Variants in NLGN1 observed in about 807,000 individuals in gnomAD.
NLGN1 encodes neuroligin-1.
Under a neutral mutation model 65.5 loss-of-function variants are expected in NLGN1, and 12 were observed. The observed-to-expected ratio is 0.18, with a 90% CI of 0.12 to 0.30. The LOEUF (loss-of-function observed/expected upper bound fraction) is 0.30, where lower values mean the gene tolerates loss of function less well. Among genes scored for constraint, NLGN1 ranks in the 10% least tolerant of loss-of-function variants. The probability of loss-of-function intolerance (pLI) is 1.00; values close to 1 mark genes in which losing one functional copy is unlikely to be tolerated. For missense variants in NLGN1, 750 were observed against 1,007.1 expected, an observed-to-expected ratio of 0.74 and a Z score of 3.46; for synonymous variants, 350 against 359.5, an observed-to-expected ratio of 0.97 and a Z score of 0.30.
intron 4 of NLGN1, among the ~76,000 whole-genome samples, chr3:173,821,568 G>A (rs188439155): frequency 2.1e-3 from 321 of 152,170 alleles, no homozygotes; most frequent in Non-Finnish European, 3.2e-3. Flanking sequence ...TCTGCTTTAA[G>A]TAACAAGAAA....
chr3:174,243,347 G>C (rs1166423661), intron 4 of NLGN1, among the ~76,000 whole-genome samples: 2 of 152,130 alleles, frequency 1.3e-5, no homozygotes, highest in African/African-American at 4.8e-5. Flanking sequence ...TCGTGGGTGG[G>C]CAGGCTGGAG....
chr3:174,182,958 C>T (rs1254797028), intron 4 of NLGN1, among the ~76,000 whole-genome samples: 2 of 152,204 alleles, frequency 1.3e-5, no homozygotes, highest in Non-Finnish European at 2.9e-5. Context: ...GACTTTGCCA[C>T]TCTTAGGCTT....
At chr3:173,456,101 C>T (rs74839374) in intron 2 of NLGN1, among the ~76,000 whole-genome samples, 4,228 of 152,192 alleles carry the variant, frequency 0.028, 207 homozygotes, top group African/African-American at 0.094. Flanking sequence ...GCTAATCTCT[C>T]CTGGAAACAC....
rs1163617328 is a variant in NLGN1 at position 173,918,688 on chromosome 3, GTGTGTGTGTGTGTGTA to G, written c.646+110858_646+110873del. 3.7e-5 allele frequency among the ~76,000 whole-genome samples: 5 copies of G among 136,086 alleles called. No homozygotes were observed. The South Asian group carries it at 6.9e-4, about 19-fold the overall frequency. 89.3% of individuals were successfully genotyped at this position (136,086 alleles called of 152,430 possible). On this transcript the variant is annotated intron_variant, in intron 4 of 6. Coordinates refer to ENST00000457714, the Ensembl canonical transcript of NLGN1. Reference sequence around the variant, plus strand: ...TGTGTGTGTGTGTGTGTGTGTGTGTGTGTGTGTGTGTGTGTATATATATATATTGCATAGAATGGTA... The same window carrying G: ...TGTGTGTGTGTGTGTGTGTGTGTGTGTATATATATATTGCATAGAATGGTA...
chr3:173,502,961 TTG>T (rs961098510), intron 2 of NLGN1, among the ~76,000 whole-genome samples: 2 of 152,064 alleles, frequency 1.3e-5, no homozygotes, highest in Non-Finnish European at 2.9e-5. Flanking sequence ...ATGAATCACA[TTG>T]TGTTTATGAA....
intron 4 of NLGN1, among the ~76,000 whole-genome samples, chr3:174,187,771 A>G (rs928940716): frequency 5.3e-5 from 8 of 151,998 alleles, no homozygotes; most frequent in African/African-American, 1.9e-4. Flanking sequence ...CTACTCTCAC[A>G]GGAGTCATTG....
chr3:173,424,480 C>G (rs114091048), intron 1 of NLGN1, among the ~76,000 whole-genome samples: 31 of 152,274 alleles, frequency 2.0e-4, no homozygotes, highest in African/African-American at 7.2e-4. Flanking sequence ...TAATTTCAAA[C>G]CATCTCTTTG....
chr3:173,769,961 C>T (rs995234137), intron 3 of NLGN1, among the ~76,000 whole-genome samples: 6 of 152,118 alleles, frequency 3.9e-5, no homozygotes, highest in African/African-American at 1.4e-4. Flanking sequence ...TTTCTGCATA[C>T]AGAATCCATA....
chr3:173,399,963 T>C (rs973792956), intron 1 of NLGN1: 17 of 152,336 alleles, frequency 1.1e-4, no homozygotes, highest in African/African-American at 4.1e-4. Flanking sequence ...AGTAATGGTT[T>C]ATCTTGATAA....
chr3:173,486,685 T>C (rs191524353), intron 2 of NLGN1, among the ~76,000 whole-genome samples: 8 of 152,250 alleles, frequency 5.3e-5, no homozygotes, highest in Non-Finnish European at 1.5e-5. Context: ...AAGAACATAA[T>C]TCGATTTGTT....
chr3:174,246,694 C>T (rs1329488288), intron 4 of NLGN1, among the ~76,000 whole-genome samples: 5 of 152,152 alleles, frequency 3.3e-5, no homozygotes, highest in Admixed American at 1.3e-4. Context: ...GTTGTGATTA[C>T]AGGTGTGAGC....
At chr3:173,628,446 TAAAGA>T (rs909930063) in intron 3 of NLGN1, among the ~76,000 whole-genome samples, 29 of 152,156 alleles carry the variant, frequency 1.9e-4, no homozygotes, top group African/African-American at 6.7e-4. Context: ...TCAATAAAAA[TAAAGA>T]AGTCAATGTA....
At chr3:173,526,607 C>T (rs1242950880) in intron 2 of NLGN1, among the ~76,000 whole-genome samples, 1 of 152,010 alleles carries the variant, frequency 6.6e-6, no homozygotes, top group Non-Finnish European at 1.5e-5. Context: ...TACAAACAAT[C>T]CAATTATACT....
chr3:174,186,654 T>C lies in NLGN1; in HGVS notation c.647-88661T>C, dbSNP rs918651035. Reference sequence around the variant, plus strand: ...ATGCCAAGTTTGGCCACCATCTATATCTTTTTCCCTTTCCCTGGGTAGCTC... The same window carrying C: ...ATGCCAAGTTTGGCCACCATCTATACCTTTTTCCCTTTCCCTGGGTAGCTC... On this transcript the variant is annotated intron_variant, in intron 4 of 6. Transcript: ENST00000457714. 2.6e-5 allele frequency among the ~76,000 whole-genome samples: 4 copies of C among 152,026 alleles called. No individual in the cohort carries two copies. The Admixed American group carries it at 2.6e-4, about 10-fold the overall frequency.
intron 3 of NLGN1, among the ~76,000 whole-genome samples, chr3:173,677,831 A>G (rs16829336): frequency 0.051 from 7,807 of 152,178 alleles, 271 homozygotes; most frequent in African/African-American, 0.088. Context: ...AGGTACAGCA[A>G]TCAAATCTTG....
chr3:174,120,903 A>G (rs6798572), intron 4 of NLGN1, among the ~76,000 whole-genome samples: 20,186 of 152,184 alleles, frequency 0.13, 1,541 homozygotes, highest in African/African-American at 0.2. Flanking sequence ...TCTACTGGCT[A>G]TATTCCTGAC....
chr3:173,913,299 G>A (rs929350732), intron 4 of NLGN1, among the ~76,000 whole-genome samples: 5 of 152,128 alleles, frequency 3.3e-5, no homozygotes, highest in East Asian at 1.9e-4. Context: ...GGTGTGGTTC[G>A]CCTTTGGAAT....
At chr3:174,068,897 G>C (rs1308706725) in intron 4 of NLGN1, among the ~76,000 whole-genome samples, 1 of 152,174 alleles carries the variant, frequency 6.6e-6, no homozygotes. Flanking sequence ...ATTAATGTGT[G>C]TGCCGATGCT....
chr3:174,106,421 G>A (rs545696993), intron 4 of NLGN1, among the ~76,000 whole-genome samples: 4 of 151,992 alleles, frequency 2.6e-5, no homozygotes, highest in Admixed American at 6.6e-5. Flanking sequence ...ACCACCCATG[G>A]TCAGGCTTCC....
Sources: allele counts gnomAD v4.1 joint callset (sites outside exome capture counted in the v4.1 genomes callset), GRCh38; gene constraint gnomAD v4.1.1; transcripts MANE v1.5; gene names NCBI Gene and HGNC (gene_info 2026-07-23, HGNC 2026-07-21).